The following NKAIN2 variants were observed in gnomAD, a reference collection of about 807,000 sequenced individuals.
NKAIN2 encodes sodium/potassium-transporting ATPase subunit beta-1-interacting protein 2.
NKAIN2 carries 14 observed loss-of-function variants against 32.6 expected under a neutral mutation model. That is an observed-to-expected ratio of 0.43 (90% confidence interval 0.28 to 0.67). The LOEUF is 0.67. Ranked by LOEUF, NKAIN2 falls within the 30% of genes least tolerant of loss-of-function variation. NKAIN2 has a pLI of 0.17. For missense variants in NKAIN2, 198 were observed against 258.3 expected, an observed-to-expected ratio of 0.77 and a Z score of 1.60; for synonymous variants, 80 against 87.2, an observed-to-expected ratio of 0.92 and a Z score of 0.46.
chr6:123,954,803 C>T (rs1777489787), intron 1 of NKAIN2, among the ~76,000 whole-genome samples: 1 of 152,150 alleles, frequency 6.6e-6, no homozygotes, highest in African/African-American at 2.4e-5. Context: ...CCTTTGCTGA[C>T]CTTCAGCTCA....
chr6:124,323,367 T>C (rs9482534), intron 2 of NKAIN2, among the ~76,000 whole-genome samples: 13,688 of 152,264 alleles, frequency 0.09, 1,080 homozygotes, highest in East Asian at 0.26. Context: ...TCAAACATTC[T>C]GTCCTACAAA....
At chr6:124,313,252 T>C (rs1204224771) in intron 2 of NKAIN2, among the ~76,000 whole-genome samples, 1 of 152,170 alleles carries the variant, frequency 6.6e-6, no homozygotes, top group Non-Finnish European at 1.5e-5. Context: ...ATTTCTCATA[T>C]ATTTACAAAA....
intron 1 of NKAIN2, among the ~76,000 whole-genome samples, chr6:124,203,859 G>A (rs1790716715): frequency 6.6e-6 from 1 of 151,614 alleles, no homozygotes; most frequent in African/African-American, 2.4e-5. Context: ...TATGCAAAAA[G>A]TAATAAATTG....
chr6:124,785,354 A>T (rs972127976), intron 4 of NKAIN2, among the ~76,000 whole-genome samples: 1 of 152,184 alleles, frequency 6.6e-6, no homozygotes, highest in African/African-American at 2.4e-5. Flanking sequence ...ACTCTAAAAT[A>T]TGTGTCAGAA....
chr6:124,716,375 C>T (rs1401203935), intron 4 of NKAIN2, among the ~76,000 whole-genome samples: 1 of 152,132 alleles, frequency 6.6e-6, no homozygotes, highest in Non-Finnish European at 1.5e-5. Flanking sequence ...AAGCAAGAGA[C>T]ATCTGTATCC....
rs1237414630 is a variant in NKAIN2, at chr6:124,450,634, TA to T, written c.273+95288del. Among the ~76,000 whole-genome samples the T allele has an allele frequency of 2.0e-5, 3 of 151,812 alleles. No individual in the cohort carries two copies. The East Asian group carries it at 5.8e-4, about 29-fold the overall frequency. On this transcript the variant is annotated intron_variant, in intron 3 of 6. Transcript: ENST00000368417. ...TGAAAGAAAAGATACTTCCATTTAA[TA>T]GACTCTGCATATCCTGATAAGAATA...
At chr6:124,261,866 C>A (rs2626133) in intron 1 of NKAIN2, among the ~76,000 whole-genome samples, 48,085 of 124,278 alleles carry the variant, frequency 0.39, 8,183 homozygotes, top group African/African-American at 0.56. Context: ...CCATCTCACA[C>A]AAAAAAAAAA....
chr6:124,724,769 A>T (rs1776192089), intron 4 of NKAIN2, among the ~76,000 whole-genome samples: 1 of 152,188 alleles, frequency 6.6e-6, no homozygotes, highest in Non-Finnish European at 1.5e-5. Flanking sequence ...AAAGACTCAA[A>T]CTCTAAATGC....
At chr6:124,045,031 A>G (rs962892791) in intron 1 of NKAIN2, among the ~76,000 whole-genome samples, 1 of 152,006 alleles carries the variant, frequency 6.6e-6, no homozygotes, top group African/African-American at 2.4e-5. Flanking sequence ...TTGTGCTTGG[A>G]ATTATTCAGC....
chr6:124,771,186 A>ATCTGTACC (rs1201045601), intron 4 of NKAIN2, among the ~76,000 whole-genome samples: 13 of 152,110 alleles, frequency 8.5e-5, no homozygotes, highest in African/African-American at 3.1e-4. Flanking sequence ...ATTTTAGAGA[A>ATCTGTACC]TCTGTACCTT....
intron 3 of NKAIN2, among the ~76,000 whole-genome samples, chr6:124,518,266 C>T (rs764035949): frequency 7.5e-6 from 1 of 132,768 alleles, no homozygotes; most frequent in Non-Finnish European, 1.6e-5. Flanking sequence ...CAGATCATTA[C>T]AGTAGTAATC....
intron 1 of NKAIN2, among the ~76,000 whole-genome samples, chr6:124,156,840 A>T (rs145180295): frequency 0.019 from 2,816 of 152,126 alleles, 79 homozygotes; most frequent in African/African-American, 0.058. Flanking sequence ...ACAGTGGCTC[A>T]CCCCTGTAAT....
chr6:123,880,136 T>G (rs1004913211), intron 1 of NKAIN2, among the ~76,000 whole-genome samples: 4 of 152,168 alleles, frequency 2.6e-5, no homozygotes, highest in African/African-American at 9.7e-5. Flanking sequence ...ACGAGGCATT[T>G]TGCAGTATAT....
intron 1 of NKAIN2, among the ~76,000 whole-genome samples, chr6:124,214,276 T>C (rs948162899): frequency 2.0e-5 from 3 of 152,176 alleles, no homozygotes; most frequent in Admixed American, 2.0e-4. Flanking sequence ...TAAAGAATCT[T>C]GTGAGTATTA....
chr6:124,723,948 C>G (rs951162166), intron 4 of NKAIN2, among the ~76,000 whole-genome samples: 3 of 152,126 alleles, frequency 2.0e-5, no homozygotes, highest in African/African-American at 4.8e-5. Flanking sequence ...CTGCTTTCAG[C>G]AATTAATAAA....
intron 1 of NKAIN2, among the ~76,000 whole-genome samples, chr6:124,096,387 A>G (rs1784646452): frequency 6.6e-6 from 1 of 152,206 alleles, no homozygotes; most frequent in Non-Finnish European, 1.5e-5. Context: ...TGTTTTAATG[A>G]TCAGGTCCAG....
At chr6:124,718,559 T>C (rs1291104516) in intron 4 of NKAIN2, among the ~76,000 whole-genome samples, 1 of 152,150 alleles carries the variant, frequency 6.6e-6, no homozygotes, top group Non-Finnish European at 1.5e-5. Flanking sequence ...AACTTTTTGT[T>C]CATTGTCTTT....
At chr6:124,345,067 C>G (rs1181029147) in intron 2 of NKAIN2, among the ~76,000 whole-genome samples, 1 of 152,020 alleles carries the variant, frequency 6.6e-6, no homozygotes, top group Non-Finnish European at 1.5e-5. Context: ...TGTCAAAGGC[C>G]TTTTCTGCAT....
intron 1 of NKAIN2, among the ~76,000 whole-genome samples, chr6:123,914,597 A>T (rs915973227): frequency 6.6e-6 from 1 of 152,160 alleles, no homozygotes; most frequent in Non-Finnish European, 1.5e-5. Flanking sequence ...CCCAGTTTAC[A>T]GAAGAGGCAA....
Sources: allele counts gnomAD v4.1 joint callset (sites outside exome capture counted in the v4.1 genomes callset), GRCh38; gene constraint gnomAD v4.1.1; transcripts MANE v1.5; gene names NCBI Gene and HGNC (gene_info 2026-07-23, HGNC 2026-07-21).